Variants in MND1 observed in about 807,000 individuals in gnomAD.
The protein encoded by MND1 is meiotic nuclear divisions 1.
A neutral mutation model predicts 35.1 loss-of-function variants in MND1; 28 were observed. That is an observed-to-expected ratio of 0.80 (90% confidence interval 0.59 to 1.09). MND1 has a LOEUF of 1.09. Ranked by LOEUF, MND1 falls within the 50% of genes least tolerant of loss-of-function variation. The pLI, the probability that MND1 is intolerant of heterozygous loss-of-function variation, is 0.00. For synonymous variants in MND1, 69 were observed against 70.5 expected (o/e 0.98, Z 0.11); for missense variants, 213 against 239.6 (o/e 0.89, Z 0.73).
At chr4:153,355,826 C>G (rs574915782) in intron 3 of MND1, 115 bp downstream of exon 3, 1 of 689,076 alleles carries the variant, frequency 1.5e-6, no homozygotes, top group Non-Finnish European at 2.5e-6. Flanking sequence ...TTATGGAAAA[C>G]CTAAATTTCT....
Position 153,394,398 on chromosome 4 carries a change from CAG to C in MND1, c.351+65_351+66del, listed in dbSNP as rs1579944211. 43 of 1,335,490 alleles carry C rather than the reference CAG, an allele frequency of 3.2e-5. No homozygotes were observed. The East Asian group carries it at 1.1e-3, about 33-fold the overall frequency. The allele number at this position is 1,335,490 out of a possible 1,614,324, so 82.7% of individuals were successfully genotyped here. ...ATTCTAAATATTAGAGTAAGCGACA[CAG>C]AGCTTCCTGTGAGGAGGATGCATTT... On this transcript the variant is annotated intron_variant, in intron 5 of 7. Coordinates refer to ENST00000240488, the MANE Select transcript of MND1 (RefSeq NM_032117.4).
chr4:153,358,541 C>T lies in MND1; in HGVS notation c.195C>T (p.Ile65=), dbSNP rs976469590. The T allele has an allele frequency of 3.1e-6, 5 of 1,613,396 alleles. No individual in the cohort carries two copies. Among genetic ancestry groups the T allele is most frequent in the South Asian group, 1.1e-5 (1 of 90,968 alleles). The change falls in exon 4 of 8, where the codon ATC becomes ATT. Residue 65 remains isoleucine (I), a synonymous_variant. Coordinates refer to ENST00000240488, the MANE Select transcript of MND1 (RefSeq NM_032117.4). The part of the protein sequence containing the change: ...VDDGMVDCER[I]GTSNYYWAFP... ...ATGGTATGGTTGACTGTGAGAGGAT[C>T]GGAACTTCTAATTATTATTGGGCTT...
intron 4 of MND1, among the ~76,000 whole-genome samples, chr4:153,378,929 T>A (rs1227794810): frequency 1.3e-5 from 2 of 152,162 alleles, no homozygotes; most frequent in East Asian, 3.8e-4. Flanking sequence ...ATCTGTTCTC[T>A]CCACTGATTT....
chr4:153,373,502 A>G (rs1385688074), intron 4 of MND1, among the ~76,000 whole-genome samples: 1 of 152,206 alleles, frequency 6.6e-6, no homozygotes, highest in African/African-American at 2.4e-5. Context: ...AATAGAAGTA[A>G]GCAAGGAATT....
intron 4 of MND1, among the ~76,000 whole-genome samples, chr4:153,371,039 T>G (rs1773777818): frequency 1.3e-5 from 2 of 152,110 alleles, no homozygotes; most frequent in African/African-American, 4.8e-5. Flanking sequence ...TTGTATATCT[T>G]CCTCAGAGTT....
chr4:153,414,799 A>G lies in MND1; in HGVS notation c.560A>G (p.Glu187Gly). The change falls in exon 8 of 8, where the codon GAA (glutamate) becomes GGA (glycine). Residue 187 changes from glutamate (E) to glycine (G), a missense_variant. Transcript: ENST00000240488. Reference protein sequence around the residue: ...KSWAKRKFGFEENKIDRTFGI... With the variant: ...KSWAKRKFGFGENKIDRTFGI... ...TGGGCCAAAAGAAAATTTGGGTTTG[A>G]AGAAAATAAAATTGATAGAACTTTT... The G allele has an allele frequency of 6.4e-7, 1 of 1,561,528 alleles. No individual in the cohort carries two copies. The highest frequency in any genetic ancestry group is 8.7e-7 in the Non-Finnish European group (1 of 1,148,810).
At chr4:153,409,617 T>G (rs1248564484) in intron 7 of MND1, among the ~76,000 whole-genome samples, 1 of 152,148 alleles carries the variant, frequency 6.6e-6, no homozygotes, top group African/African-American at 2.4e-5. Context: ...TCAAAGGCGA[T>G]TAGTCACTGC....
At chr4:153,373,307 C>T (rs1393501220) in intron 4 of MND1, among the ~76,000 whole-genome samples, 3 of 152,106 alleles carry the variant, frequency 2.0e-5, no homozygotes, top group African/African-American at 7.2e-5. Flanking sequence ...CAAGTACTTA[C>T]CTTCTTACCA....
At chr4:153,391,274 G>A (rs1378289370) in intron 4 of MND1, among the ~76,000 whole-genome samples, 2 of 151,838 alleles carry the variant, frequency 1.3e-5, no homozygotes, top group Non-Finnish European at 2.9e-5. Flanking sequence ...AGCGATTCTT[G>A]TGCCTCAGCC....
chr4:153,374,437 C>T (rs1728436907), intron 4 of MND1, among the ~76,000 whole-genome samples: 1 of 151,998 alleles, frequency 6.6e-6, no homozygotes. Context: ...CCTAAATGAG[C>T]ATTAGAGATG....
chr4:153,349,800 C>T (rs1234827458), intron 1 of MND1, among the ~76,000 whole-genome samples: 1 of 152,212 alleles, frequency 6.6e-6, no homozygotes, highest in Non-Finnish European at 1.5e-5. Context: ...AAGGTCAATA[C>T]AGTGGCTTAT....
intron 4 of MND1, among the ~76,000 whole-genome samples, chr4:153,362,813 G>A (rs1773528262): frequency 6.6e-6 from 1 of 151,996 alleles, no homozygotes; most frequent in Non-Finnish European, 1.5e-5. Context: ...TGAAATAGTG[G>A]TTTAGGCTTG....
chr4:153,413,243 T>C (rs1184624311), intron 7 of MND1, among the ~76,000 whole-genome samples: 1 of 152,214 alleles, frequency 6.6e-6, no homozygotes, highest in Non-Finnish European at 1.5e-5. Flanking sequence ...AACCCTTTAC[T>C]TCATTATCAC....
At position 153,384,443 on chromosome 4, in the gene MND1, A is replaced by ATTTTTTTTTTTTTTTTTT. The variant is rs561004288; in HGVS notation, c.277-9807_277-9790dup. Among the ~76,000 whole-genome samples, 19 of 63,190 alleles carry ATTTTTTTTTTTTTTTTTT rather than the reference A, an allele frequency of 3.0e-4. 1 individual carries two copies. Among genetic ancestry groups the ATTTTTTTTTTTTTTTTTT allele is most frequent in the East Asian group, 1.2e-3 (2 of 1,700 alleles). 41.5% of individuals were successfully genotyped at this position (63,190 alleles called of 152,430 possible). On this transcript the variant is annotated intron_variant, in intron 4 of 7. Coordinates refer to ENST00000240488, the MANE Select transcript of MND1 (RefSeq NM_032117.4). ...TGCCACCATGCCCAGCTAATGTTTA[A>ATTTTTTTTTTTTTTTTTT]TTTTTTTTTTTTTTTTTTTTTTTTT...
rs1459574503 is a variant in MND1 at position 153,345,605 on chromosome 4, G to T, written c.3+865G>T. On this transcript the variant is annotated intron_variant, in intron 1 of 7. Transcript: ENST00000240488. Reference sequence around the variant, plus strand: ...CGTTTTTTCTGCTTCAGTTGGCGAAGAATCAACATCTGGTTAAATGGATCT... The same window carrying T: ...CGTTTTTTCTGCTTCAGTTGGCGAATAATCAACATCTGGTTAAATGGATCT... The T allele has an allele frequency of 9.0e-6, 8 of 884,742 alleles. No homozygotes were observed. The South Asian group carries it at 4.2e-4, about 46-fold the overall frequency. 54.8% of individuals were successfully genotyped at this position (884,742 alleles called of 1,614,324 possible).
intron 4 of MND1, among the ~76,000 whole-genome samples, chr4:153,382,970 T>C (rs532810823): frequency 3.5e-4 from 53 of 152,348 alleles, no homozygotes; most frequent in African/African-American, 1.3e-3. Flanking sequence ...AGGCCCATTC[T>C]TTCCCAATGC....
chr4:153,410,300 T>G (rs1050582661), intron 7 of MND1, among the ~76,000 whole-genome samples: 2 of 151,904 alleles, frequency 1.3e-5, no homozygotes, highest in African/African-American at 4.8e-5. Context: ...TTTTTTCCTA[T>G]CCTATTAGCT....
intron 5 of MND1, among the ~76,000 whole-genome samples, chr4:153,396,895 A>C (rs1004866654): frequency 6.8e-6 from 1 of 146,986 alleles, no homozygotes; most frequent in Non-Finnish European, 1.5e-5. Flanking sequence ...AAGTAGTATA[A>C]TTTTTTTCTG....
intron 4 of MND1, among the ~76,000 whole-genome samples, chr4:153,384,698 T>A (rs186136520): frequency 2.6e-5 from 4 of 152,248 alleles, no homozygotes; most frequent in African/African-American, 9.6e-5. Flanking sequence ...TTGTAATTGA[T>A]TGTGGTCCTA....
Sources: gnomAD v4.1 joint callset for allele counts (sites outside exome capture counted in the v4.1 genomes callset) on GRCh38, gnomAD v4.1.1 for gene constraint, MANE v1.5 for transcripts, NCBI Gene and HGNC (gene_info 2026-07-23, HGNC 2026-07-21) for gene names.